Variants in NR3C1 observed in about 807,000 individuals in gnomAD.
NR3C1 encodes nuclear receptor subfamily 3 group C member 1.
A neutral mutation model predicts 74.0 loss-of-function variants in NR3C1; 14 were observed. The observed-to-expected ratio is 0.19, with a 90% confidence interval of 0.12 to 0.30. NR3C1 has a LOEUF of 0.30. Among genes scored for constraint, NR3C1 ranks in the 10% least tolerant of loss-of-function variants. The pLI is 1.00. For missense variants in NR3C1, 695 were observed against 909.8 expected (o/e 0.76, Z 3.04); for synonymous variants, 308 against 332.5 (o/e 0.93, Z 0.80).
upstream of NR3C1, chr5:143,403,897 C>T (rs1840832566): frequency 1.0e-6 from 1 of 981,214 alleles, no homozygotes; most frequent in African/African-American, 1.8e-5. Flanking sequence ...CGTCCCCTGG[C>T]GTGGCCGCCC....
At position 143,279,205 on chromosome 5, in the gene NR3C1, C is replaced by G. The variant is rs61753508; in HGVS notation, c.*2684G>C. 1 of 762,184 alleles carries G rather than the reference C, an allele frequency of 1.3e-6. No homozygotes were observed. The highest frequency in any genetic ancestry group is 3.6e-5 in the Admixed American group (1 of 27,712). 47.2% of individuals were successfully genotyped at this position (762,184 alleles called of 1,614,324 possible). On this transcript the variant is annotated 3_prime_UTR_variant, in exon 9 of 9. Transcript: ENST00000394464. ...ATTAAGATGACTTTCTTTTCCCCCA[C>G]GTATCCTAAAAGGGCACAGCTTCTT...
intron 2 of NR3C1, among the ~76,000 whole-genome samples, chr5:143,391,013 T>C (rs1276562870): frequency 6.6e-6 from 1 of 152,140 alleles, no homozygotes; most frequent in African/African-American, 2.4e-5. Flanking sequence ...AGGTGGAAAC[T>C]TAGAACATTT....
chr5:143,434,984 G>C (rs547539265), exon 1 of NR3C1: 1 of 984,830 alleles, frequency 1.0e-6, no homozygotes, highest in East Asian at 1.1e-4. Context: ...GAGAAATACA[G>C]TGACTCTCCT....
In NR3C1 at chr5:143,278,494, A is replaced by G. The variant is rs1812655758; in HGVS notation, c.*3395T>C. 6.6e-6 allele frequency: 1 copy of G among 152,138 alleles called. No individual in the cohort carries two copies. The highest frequency in any genetic ancestry group is 2.4e-5 in the African/African-American group (1 of 41,444). The allele number at this position is 152,138 out of a possible 1,614,324, so 9.4% of individuals were successfully genotyped here. ...TCCTGGGTGGACCAGGTTGCTTGAA[A>G]ATAGTCTGGGAAATTACGAAACTCC... is the stretch of plus-strand genomic sequence containing the variant. On this transcript the variant is annotated 3_prime_UTR_variant, in exon 9 of 9. Transcript: ENST00000394464.
rs76601216 is a variant in NR3C1 at position 143,341,500 on chromosome 5, T to A, written c.1185-27332A>T. ...ACAAAAATAGAAATACATCTACCACTGGTCCTTTCAGGACATCTGGATACA... is the reference window on the plus strand; with the variant it reads ...ACAAAAATAGAAATACATCTACCACAGGTCCTTTCAGGACATCTGGATACA... On this transcript the variant is annotated intron_variant, in intron 2 of 8. Coordinates refer to ENST00000394464, the MANE Select transcript of NR3C1 (RefSeq NM_000176.3). 3.1e-3 allele frequency among the ~76,000 whole-genome samples: 468 copies of A among 152,356 alleles called. 12 individuals are homozygous for A. The East Asian group carries it at 0.072, about 24-fold the overall frequency.
intron 2 of NR3C1, among the ~76,000 whole-genome samples, chr5:143,325,115 ACT>A (rs1201861627): frequency 5.3e-5 from 8 of 151,874 alleles, no homozygotes; most frequent in Middle Eastern, 3.4e-3. Flanking sequence ...AGCAACACCC[ACT>A]CTACTGGTAC....
intron 2 of NR3C1, among the ~76,000 whole-genome samples, chr5:143,340,777 G>A (rs1015799246): frequency 2.6e-5 from 4 of 151,932 alleles, no homozygotes; most frequent in Non-Finnish European, 4.4e-5. Flanking sequence ...CACCACACCC[G>A]GCCAAAAGGC....
At chr5:143,396,172 C>T (rs1166651835) in intron 2 of NR3C1, among the ~76,000 whole-genome samples, 2 of 151,794 alleles carry the variant, frequency 1.3e-5, no homozygotes, top group Admixed American at 1.3e-4. Context: ...TCACATATTT[C>T]TGCATTAGTC....
chr5:143,283,783 T>G (rs546501469), intron 7 of NR3C1, among the ~76,000 whole-genome samples: 1 of 152,226 alleles, frequency 6.6e-6, no homozygotes, highest in African/African-American at 2.4e-5. Flanking sequence ...CTGTGGAGAT[T>G]AGGACTTTTG....
At chr5:143,397,797 A>G (rs1405125279) in intron 2 of NR3C1, among the ~76,000 whole-genome samples, 1 of 151,966 alleles carries the variant, frequency 6.6e-6, no homozygotes. Flanking sequence ...ATGAAGTACT[A>G]TAAAAGTTAA....
At chr5:143,413,805 A>C (rs1841386564) in intron 1 of NR3C1, among the ~76,000 whole-genome samples, 2 of 152,294 alleles carry the variant, frequency 1.3e-5, no homozygotes, top group South Asian at 4.1e-4. Context: ...TCAAGTGCCC[A>C]CCACTGACAC....
chr5:143,389,908 T>A (rs1837932059), intron 2 of NR3C1: 18 of 975,808 alleles, frequency 1.8e-5, no homozygotes, highest in Non-Finnish European at 2.2e-5. Flanking sequence ...TTCCTTCCCA[T>A]TTCTTAGCTC....
intron 1 of NR3C1, among the ~76,000 whole-genome samples, chr5:143,410,249 A>G (rs927863498): frequency 6.6e-6 from 1 of 152,052 alleles, no homozygotes; most frequent in African/African-American, 2.4e-5. Flanking sequence ...CCCCGCTGCT[A>G]TGTGGAATCT....
intron 2 of NR3C1, among the ~76,000 whole-genome samples, chr5:143,320,455 G>C (rs967806718): frequency 6.6e-6 from 1 of 152,124 alleles, no homozygotes. Context: ...TAGATCAAGA[G>C]AATGTTCAGT....
At chr5:143,405,663 C>G (rs555250797), upstream of NR3C1, among the ~76,000 whole-genome samples, 1 of 152,278 alleles carries the variant, frequency 6.6e-6, no homozygotes, top group African/African-American at 2.4e-5. Flanking sequence ...AAGAGATACT[C>G]GCCACCTCGG....
intron 2 of NR3C1, among the ~76,000 whole-genome samples, chr5:143,319,010 T>A (rs190664109): frequency 1.3e-5 from 2 of 152,282 alleles, no homozygotes. Context: ...GCTGACATAA[T>A]GAAATGGCAA....
At chr5:143,386,636 A>G (rs1010615631) in intron 2 of NR3C1, among the ~76,000 whole-genome samples, 1 of 152,224 alleles carries the variant, frequency 6.6e-6, no homozygotes, top group African/African-American at 2.4e-5. Context: ...AGAGGAAAGA[A>G]AGAAATAGGA....
intron 7 of NR3C1, among the ~76,000 whole-genome samples, chr5:143,284,668 T>A (rs1193972559): frequency 6.6e-6 from 1 of 152,162 alleles, no homozygotes; most frequent in Non-Finnish European, 1.5e-5. Flanking sequence ...AATATTGAAA[T>A]CACTAACATT....
intron 2 of NR3C1, among the ~76,000 whole-genome samples, chr5:143,329,247 T>C (rs1050266468): frequency 6.6e-6 from 1 of 152,170 alleles, no homozygotes; most frequent in African/African-American, 2.4e-5. Flanking sequence ...AACTGCCATA[T>C]TTAAACCATC....
Sources: allele counts gnomAD v4.1 joint callset (sites outside exome capture counted in the v4.1 genomes callset), GRCh38; gene constraint gnomAD v4.1.1; transcripts MANE v1.5; gene names NCBI Gene and HGNC (gene_info 2026-07-23, HGNC 2026-07-21).